ESPN: variants seen among roughly 807,000 people sequenced by gnomAD.
The protein encoded by ESPN is espin.
ESPN carries 68 observed loss-of-function variants against 77.7 expected under a neutral mutation model. The observed-to-expected ratio is 0.87, with a 90% CI of 0.72 to 1.07. ESPN has a LOEUF of 1.07. ESPN is among the 50% of genes least tolerant of loss of function. The pLI is 0.00. For synonymous variants in ESPN, 449 were observed against 567.1 expected, an observed-to-expected ratio of 0.79 and a Z score of 2.96; for missense variants, 1,060 against 1,239.0, an observed-to-expected ratio of 0.86 and a Z score of 2.17.
intron 5 of ESPN, among the ~76,000 whole-genome samples, chr1:6,443,406 C>T (rs776396767): frequency 2.0e-5 from 3 of 152,264 alleles, no homozygotes; most frequent in Non-Finnish European, 4.4e-5. Flanking sequence ...TGTGGCCCAG[C>T]CTCTTATCTG....
At chr1:6,458,054 T>C (rs1184027078) in intron 12 of ESPN, among the ~76,000 whole-genome samples, 2 of 149,516 alleles carry the variant, frequency 1.3e-5, no homozygotes, top group African/African-American at 2.5e-5. Context: ...GGGGTTTCAC[T>C]CTTGTCACCC....
chr1:6,450,368 T>G lies in ESPN; in HGVS notation c.1916-1235T>G, dbSNP rs1324954925. The G allele has an allele frequency of 9.9e-6, 5 of 507,546 alleles. No individual in the cohort carries two copies. The highest frequency in any genetic ancestry group is 1.3e-5 in the Non-Finnish European group (5 of 392,868). 31.4% of individuals were successfully genotyped at this position (507,546 alleles called of 1,614,324 possible). A position where few individuals can be genotyped will look rare whatever the true frequency, so the allele number is the denominator to read the frequency against. Reference sequence around the variant, plus strand: ...CCCGCTCTCCCTGGCCCGCTCCCTGTCCCCTGCTGTCCCAGTCTCATCCTG... The same window carrying G: ...CCCGCTCTCCCTGGCCCGCTCCCTGGCCCCTGCTGTCCCAGTCTCATCCTG... On this transcript the variant is annotated intron_variant, in intron 8 of 12. Coordinates refer to ENST00000645284, the MANE Select transcript of ESPN (RefSeq NM_031475.3). This position sits in a 1 kb window ranked among gnomAD's most constrained non-coding sequence, Gnocchi z 4.3.
Position 6,451,408 on chromosome 1 carries a change from C to A in ESPN, c.1916-195C>A. ...GGGAAGATGGTGGGGTTGCCACAGT[C>A]AGGGAACCAAGGGCCCGCCTCTGGG... is the stretch of plus-strand genomic sequence containing the variant. On this transcript the variant is annotated intron_variant, in intron 8 of 12. Coordinates refer to ENST00000645284, the MANE Select transcript of ESPN (RefSeq NM_031475.3). This position sits in a 1 kb window ranked among gnomAD's most constrained non-coding sequence, Gnocchi z 4.3. The A allele has an allele frequency of 1.4e-6, 1 of 706,176 alleles. No individual in the cohort carries two copies. Among genetic ancestry groups the A allele is most frequent in the Non-Finnish European group, 2.4e-6 (1 of 418,332 alleles). The allele number at this position is 706,176 out of a possible 1,614,324, so 43.7% of individuals were successfully genotyped here.
At position 6,440,244 on chromosome 1, in the gene ESPN, G is replaced by C. The variant is rs553650057; in HGVS notation, c.489-10G>C. The C allele has an allele frequency of 6.5e-7, 1 of 1,548,114 alleles. No homozygotes were observed. Among genetic ancestry groups the C allele is most frequent in the East Asian group, 2.4e-5 (1 of 40,880 alleles). On this transcript the variant is annotated splice_polypyrimidine_tract_variant and intron_variant, in intron 2 of 12. Coordinates refer to ENST00000645284, the MANE Select transcript of ESPN (RefSeq NM_031475.3). Reference sequence around the variant, plus strand: ...GCTGAAAGCCCACGGTGGGCGCTGTGTCTCCGCAGGGGAGTGAATGCCCAA... The same window carrying C: ...GCTGAAAGCCCACGGTGGGCGCTGTCTCTCCGCAGGGGAGTGAATGCCCAA...
Position 6,460,066 on chromosome 1 carries a change from A to C in ESPN, c.2485A>C (p.Thr829Pro). The C allele has an allele frequency of 1.2e-6, 2 of 1,613,508 alleles. No individual in the cohort carries two copies. Among genetic ancestry groups the C allele is most frequent in the Non-Finnish European group, 8.5e-7 (1 of 1,180,022 alleles). Residue 829 changes from threonine to proline, a missense_variant, in exon 13 of 13, where the codon ACG (threonine) becomes CCG (proline). By Grantham distance (38) the Thr-to-Pro change is conservative (BLOSUM62 -1). Around this residue, in one of 3 missense-constraint regions of ESPN, gnomAD observed 374 missense variants for 381.4 expected, o/e 0.98. Transcript: ENST00000645284. ...REKEQSEKLR[T>P]LGYDESKLAP... is the part of the protein sequence containing the mutation. ...GAAGGAACAGTCAGAGAAGCTGCGG[A>C]CGCTGGGCTACGATGAGAGCAAGCT...
In ESPN at chr1:6,448,904, T is replaced by C. The variant is rs1569711886; in HGVS notation, c.1728T>C (p.Leu576=). The change falls in exon 8 of 13, where the codon CTT becomes CTC. Residue 576 remains leucine (L), a synonymous_variant. Coordinates refer to ENST00000645284, the MANE Select transcript of ESPN (RefSeq NM_031475.3). ...CCGCTCCCCCGCAGGCGGCGCTGCT[T>C]CCTGGGAACCATGTTCCTAACGGCT... ...GPSAPPQAAL[L]PGNHVPNGCA... is the part of the protein sequence containing the mutation. The C allele has an allele frequency of 7.3e-7, 1 of 1,363,846 alleles. No homozygotes were observed. Among genetic ancestry groups the C allele is most frequent in the East Asian group, 3.2e-5 (1 of 31,068 alleles). 84.5% of individuals were successfully genotyped at this position (1,363,846 alleles called of 1,614,324 possible).
rs548748562 is a variant in ESPN, at chr1:6,450,486, C to G, written c.1916-1117C>G. On this transcript the variant is annotated intron_variant, in intron 8 of 12. Coordinates refer to ENST00000645284, the MANE Select transcript of ESPN (RefSeq NM_031475.3). The surrounding 1 kb of genome is among the most constrained non-coding windows in gnomAD (Gnocchi z 4.3). Reference sequence around the variant, plus strand: ...CACAGGAAGAGTGAGTAGCTGCGTGCGCGGCTCCTGGCTGAGGCTGAGGCG... The same window carrying G: ...CACAGGAAGAGTGAGTAGCTGCGTGGGCGGCTCCTGGCTGAGGCTGAGGCG... 74 of 973,336 alleles carry G rather than the reference C, an allele frequency of 7.6e-5. 1 individual carries two copies. In the African/African-American group the frequency reaches 1.2e-3, roughly 16 times the overall value. 60.3% of individuals were successfully genotyped at this position (973,336 alleles called of 1,614,324 possible). A position where few individuals can be genotyped will look rare whatever the true frequency, so the allele number is the denominator to read the frequency against.
chr1:6,448,988 GC>G lies in ESPN; in HGVS notation c.1816del (p.Leu606CysfsTer40). 6.9e-7 allele frequency: 1 copy of G among 1,441,350 alleles called. No individual in the cohort carries two copies. The allele number at this position is 1,441,350 out of a possible 1,614,324, so 89.3% of individuals were successfully genotyped here. Reference protein sequence around the residue: ...LPPPPPPPPPPLPEAASSPPP... With the variant: ...LPPPPPPPPPXLPEAASSPPP... ...CACCGCCGCCCCCACCGCCGCCGCC[GC>G]CCCTGCCGGAGGCCGCGAGTTCGCC... On this transcript the variant is annotated frameshift_variant, in exon 8 of 13. Coordinates refer to ENST00000645284, the MANE Select transcript of ESPN (RefSeq NM_031475.3). LOFTEE classifies it high-confidence loss of function.
chr1:6,445,986 T>C (rs1168645124), intron 7 of ESPN, 51 bp downstream of exon 7: 3 of 1,588,782 alleles, frequency 1.9e-6, no homozygotes, highest in Non-Finnish European at 2.6e-6. Flanking sequence ...ACTGGGCTGA[T>C]GGGGGCCAGT....
Position 6,425,228 on chromosome 1 carries a change from G to A in ESPN, c.273G>A (p.Ser91=), listed in dbSNP as rs767745630. Residue 91 remains serine, a synonymous_variant, in exon 1 of 13, where the codon TCG becomes TCA. Coordinates refer to ENST00000645284, the MANE Select transcript of ESPN (RefSeq NM_031475.3). ...TCGCCTGCCTGCAGTGGCTGCTGTC[G>A]CAGGGCGGCTGCAGAGTGCAGGTGG... ...GHLACLQWLL[S]QGGCRVQDKD... is the part of the protein sequence containing the mutation. 3.2e-6 allele frequency: 5 copies of A among 1,563,284 alleles called. No homozygotes were observed. The highest frequency in any genetic ancestry group is 3.4e-6 in the Non-Finnish European group (4 of 1,163,176).
rs1183992932 is a variant in ESPN, at chr1:6,441,198, C to G, written c.990+133C>G. The stretch of plus-strand genomic sequence containing the variant: ...TGAAGCCCGCTACCCCACACGACCT[C>G]TCAGCCCAGAACCACTGCCTACTGG... On this transcript the variant is annotated intron_variant, in intron 5 of 12. Coordinates refer to ENST00000645284, the MANE Select transcript of ESPN (RefSeq NM_031475.3). The G allele has an allele frequency of 2.8e-5, 36 of 1,289,456 alleles. No homozygotes were observed. In the South Asian group the frequency reaches 3.4e-4, roughly 12 times the overall value. 79.9% of individuals were successfully genotyped at this position (1,289,456 alleles called of 1,614,324 possible). A position where few individuals can be genotyped will look rare whatever the true frequency, so the allele number is the denominator to read the frequency against.
intron 10 of ESPN, chr1:6,456,684 G>A: frequency 4.4e-6 from 1 of 228,406 alleles, no homozygotes; most frequent in Non-Finnish European, 8.6e-6. Flanking sequence ...GCCTGCGTTG[G>A]ACACCACACC....
Position 6,457,358 on chromosome 1 carries a change from C to T in ESPN, c.2406-3C>T, listed in dbSNP as rs781349789. 7 of 1,614,182 alleles carry T rather than the reference C, an allele frequency of 4.3e-6. No homozygotes were observed. The South Asian group carries it at 6.6e-5, about 15-fold the overall frequency. On this transcript the variant is annotated splice_polypyrimidine_tract_variant and splice_region_variant and intron_variant, in intron 11 of 12. Transcript: ENST00000645284. ...AAGTGACACTGTCTCTTTTTCCTTC[C>T]AGGGAGCAGAAGCGGTGAGTGCAGG...
Position 6,424,920 on chromosome 1 carries a change from C to A in ESPN, c.-36C>A, listed in dbSNP as rs1361265715. On this transcript the variant is annotated 5_prime_UTR_variant, in exon 1 of 13. Transcript: ENST00000645284. Reference sequence around the variant, plus strand: ...CACGTGCATGGCGTCCTGGGGAAGGCGCTGAGTGCGGAGTCGCGGCGCCGC... The same window carrying A: ...CACGTGCATGGCGTCCTGGGGAAGGAGCTGAGTGCGGAGTCGCGGCGCCGC... 2 of 1,425,140 alleles carry A rather than the reference C, an allele frequency of 1.4e-6. No individual in the cohort carries two copies. Among genetic ancestry groups the A allele is most frequent in the Non-Finnish European group, 9.2e-7 (1 of 1,091,504 alleles). The allele number at this position is 1,425,140 out of a possible 1,614,324, so 88.3% of individuals were successfully genotyped here.
In ESPN at chr1:6,428,609, T is replaced by G. The variant is rs1202706083; in HGVS notation, c.488+190T>G. On this transcript the variant is annotated intron_variant, in intron 2 of 12. Coordinates refer to ENST00000645284, the MANE Select transcript of ESPN (RefSeq NM_031475.3). This position sits in a 1 kb window ranked among gnomAD's most constrained non-coding sequence, Gnocchi z 5.4. ...AATTTTCCCCTCCTGGAAAACCCCT[T>G]CTGGGGCTGCCCCCAGAGCCCTGCA... Among the ~76,000 whole-genome samples the G allele has an allele frequency of 6.6e-6, 1 of 152,118 alleles. No homozygotes were observed. The highest frequency in any genetic ancestry group is 2.4e-5 in the African/African-American group (1 of 41,428).
At chr1:6,446,036 G>A (rs1410640487) in intron 7 of ESPN, 101 bp downstream of exon 7, 32 of 1,214,020 alleles carry the variant, frequency 2.6e-5, no homozygotes, top group African/African-American at 6.1e-5. Context: ...CATAGGGTGG[G>A]GATCCCTGGG....
rs1393805274 is a variant in ESPN at position 6,440,350 on chromosome 1, C to T, written c.585C>T (p.Cys195=). Residue 195 remains cysteine, a synonymous_variant, in exon 3 of 13, where the codon TGC becomes TGT. Transcript: ENST00000645284. ...TGACCCAGTACCTGGTGCAGGAATG[C>T]GGCGCAGACCCGCACGCGCGCGCCC... The part of the protein sequence containing the change: ...LEVTQYLVQE[C]GADPHARAHD... 3.8e-6 allele frequency: 6 copies of T among 1,584,184 alleles called. No individual in the cohort carries two copies. Among genetic ancestry groups the T allele is most frequent in the Middle Eastern group, 1.9e-4 (1 of 5,196 alleles).
chr1:6,448,733 C>G lies in ESPN; in HGVS notation c.1557C>G (p.Tyr519Ter). The G allele has an allele frequency of 6.7e-7, 1 of 1,483,416 alleles. No individual in the cohort carries two copies. Among genetic ancestry groups the G allele is most frequent in the Non-Finnish European group, 8.9e-7 (1 of 1,124,328 alleles). 91.9% of individuals were successfully genotyped at this position (1,483,416 alleles called of 1,614,324 possible). A position where few individuals can be genotyped will look rare whatever the true frequency, so the allele number is the denominator to read the frequency against. ...AFSKQPSTGDYYRQLGRCPGE... is the reference protein window; with the variant it reads ...AFSKQPSTGD ...GCAAGCAGCCCAGCACGGGGGACTA[C>G]TACCGGCAGCTGGGCCGCTGCCCCG... Residue 519 changes from tyrosine (Y) to a stop codon, truncating the protein, a stop_gained, in exon 8 of 13, where the codon TAC becomes TAG. Coordinates refer to ENST00000645284, the MANE Select transcript of ESPN (RefSeq NM_031475.3). LOFTEE classifies it high-confidence loss of function.
intron 10 of ESPN, chr1:6,455,420 C>G: frequency 2.5e-6 from 1 of 393,544 alleles, no homozygotes; most frequent in Non-Finnish European, 4.5e-6. Context: ...CGGACGCCCC[C>G]CGGCTGCCGG....
Sources: gnomAD v4.1 joint callset for allele counts (sites outside exome capture counted in the v4.1 genomes callset) on GRCh38, gnomAD v4.1.1 for gene constraint, gnomAD v4.1.1 regional missense constraint, Gnocchi (gnomAD v3.1) non-coding constraint, MANE v1.5 for transcripts, NCBI Gene and HGNC (gene_info 2026-07-23, HGNC 2026-07-21) for gene names.